CNBD1: variants seen among roughly 807,000 people sequenced by gnomAD.
CNBD1 encodes cyclic nucleotide binding domain containing 1, also known as cyclic nucleotide-binding domain-containing protein 1.
Under a neutral mutation model 54.4 loss-of-function variants are expected in CNBD1, and 71 were observed. The observed-to-expected ratio is 1.30, with a 90% CI of 1.08 to 1.59. CNBD1 has a LOEUF of 1.59. CNBD1 is among the 40% of genes most tolerant of loss of function. The pLI is 0.00. For missense variants in CNBD1, 659 were observed against 518.0 expected, an observed-to-expected ratio of 1.27 and a Z score of -2.64; for synonymous variants, 182 against 170.7, an observed-to-expected ratio of 1.07 and a Z score of -0.51.
chr8:87,072,802 G>A (rs143526984), intron 4 of CNBD1, among the ~76,000 whole-genome samples: 135 of 151,476 alleles, frequency 8.9e-4, no homozygotes, highest in African/African-American at 3.0e-3. Context: ...TGATTTTCTC[G>A]TGTAGGATCT....
At chr8:87,359,998 G>T (rs1270093268) in intron 10 of CNBD1, among the ~76,000 whole-genome samples, 2 of 151,864 alleles carry the variant, frequency 1.3e-5, no homozygotes, top group East Asian at 1.9e-4. Context: ...GAACTATAAA[G>T]GTATTACTGA....
intron 4 of CNBD1, among the ~76,000 whole-genome samples, chr8:86,992,273 T>C (rs910275059): frequency 1.2e-4 from 19 of 152,150 alleles, no homozygotes; most frequent in African/African-American, 4.6e-4. Context: ...ATGCCCTTTT[T>C]TGTTCTTTTT....
chr8:87,380,574 T>C (rs903070738), intron 10 of CNBD1, among the ~76,000 whole-genome samples: 8 of 152,168 alleles, frequency 5.3e-5, no homozygotes, highest in Admixed American at 5.2e-4. Flanking sequence ...AGGATTTTAA[T>C]AGAAGTTTTA....
intron 2 of CNBD1, among the ~76,000 whole-genome samples, chr8:87,392,859 A>T (rs894875258): frequency 6.6e-6 from 1 of 151,972 alleles, no homozygotes; most frequent in Non-Finnish European, 1.5e-5. Context: ...AGAGATGATG[A>T]TGTCTGGGAC....
chr8:87,353,850 A>C, intron 10 of CNBD1, 64 bp downstream of exon 10: 1 of 1,311,728 alleles, frequency 7.6e-7, no homozygotes, highest in Non-Finnish European at 1.0e-6. Flanking sequence ...AAATTTTTTA[A>C]ATTTTTTTCC....
In CNBD1 at chr8:87,275,673, T is replaced by C. The variant is rs368716310; in HGVS notation, c.772-9005T>C. ...TTTGAAAACTGGCACAAGACAGGGA[T>C]GCCCTCTCTCACCACTCCTATTCAA... On this transcript the variant is annotated intron_variant, in intron 6 of 10. Transcript: ENST00000518476. Among the ~76,000 whole-genome samples, 25 of 151,786 alleles carry C rather than the reference T, an allele frequency of 1.6e-4. No homozygotes were observed. In the South Asian group the frequency reaches 4.0e-3, roughly 24 times the overall value.
intron 5 of CNBD1, among the ~76,000 whole-genome samples, chr8:87,231,274 A>G (rs990072951): frequency 6.6e-6 from 1 of 152,196 alleles, no homozygotes; most frequent in African/African-American, 2.4e-5. Flanking sequence ...CACATGCTAA[A>G]TAACACACTG....
At chr8:87,424,076 A>T (rs897532676) in intron 2 of CNBD1, among the ~76,000 whole-genome samples, 16 of 152,150 alleles carry the variant, frequency 1.1e-4, no homozygotes, top group Admixed American at 1.0e-3. Context: ...AAGTGTTTGT[A>T]GTATTCTCTG....
At chr8:87,300,428 CTT>C (rs1397017498) in intron 8 of CNBD1, among the ~76,000 whole-genome samples, 1 of 151,976 alleles carries the variant, frequency 6.6e-6, no homozygotes, top group East Asian at 1.9e-4. Context: ...TATTGAAAAA[CTT>C]TAAAAAATCT....
At chr8:87,157,414 A>G (rs1812763600) in intron 4 of CNBD1, among the ~76,000 whole-genome samples, 1 of 152,188 alleles carries the variant, frequency 6.6e-6, no homozygotes, top group South Asian at 2.1e-4. Flanking sequence ...TGCAGGCCCA[A>G]AGTAATAAGG....
intron 4 of CNBD1, among the ~76,000 whole-genome samples, chr8:86,984,810 C>T (rs995964690): frequency 6.6e-6 from 1 of 152,178 alleles, no homozygotes; most frequent in East Asian, 1.9e-4. Context: ...TTTACAGGCT[C>T]ATAGGCAGAA....
chr8:87,189,640 C>T (rs183263794), intron 4 of CNBD1, among the ~76,000 whole-genome samples: 1 of 152,194 alleles, frequency 6.6e-6, no homozygotes, highest in East Asian at 1.9e-4. Flanking sequence ...TTGGCATTAA[C>T]CTTTCAATTT....
chr8:87,162,936 A>C (rs1232533570), intron 4 of CNBD1, among the ~76,000 whole-genome samples: 1 of 152,050 alleles, frequency 6.6e-6, no homozygotes, highest in Non-Finnish European at 1.5e-5. Context: ...CCCTTATAAA[A>C]AGACTTGATA....
At chr8:87,061,762 A>G (rs890394934) in intron 4 of CNBD1, among the ~76,000 whole-genome samples, 6 of 152,214 alleles carry the variant, frequency 3.9e-5, no homozygotes, top group Non-Finnish European at 7.4e-5. Flanking sequence ...TATACAATCA[A>G]TGTGTAAAGT....
chr8:87,382,453 G>C lies in CNBD1; in HGVS notation c.1304-167G>C, dbSNP rs143782892. On this transcript the variant is annotated intron_variant, in intron 10 of 10. Transcript: ENST00000518476. ...CAAATGTCATTAGAGGGGGTGTAAA[G>C]TGTTACATTATTTCTAGAATAAGCT... Among the ~76,000 whole-genome samples, 17 of 152,056 alleles carry C rather than the reference G, an allele frequency of 1.1e-4. No homozygotes were observed. The South Asian group carries it at 3.3e-3, about 30-fold the overall frequency.
intron 4 of CNBD1, among the ~76,000 whole-genome samples, chr8:87,202,631 G>C (rs1458557471): frequency 3.9e-5 from 6 of 152,174 alleles, no homozygotes; most frequent in Non-Finnish European, 8.8e-5. Context: ...CTGTCTGACT[G>C]TTGAGGGAGC....
chr8:86,992,008 G>A (rs1010211504), intron 4 of CNBD1, among the ~76,000 whole-genome samples: 8 of 152,106 alleles, frequency 5.3e-5, no homozygotes, highest in African/African-American at 1.9e-4. Context: ...GAATTATTCT[G>A]TAGATATCCA....
At chr8:87,080,688 C>T (rs2130664720) in intron 4 of CNBD1, among the ~76,000 whole-genome samples, 1 of 151,832 alleles carries the variant, frequency 6.6e-6, no homozygotes, top group Admixed American at 6.6e-5. Flanking sequence ...TGAACTTGTT[C>T]TGTAGTCTTC....
At chr8:86,998,000 T>C (rs1331396904) in intron 4 of CNBD1, among the ~76,000 whole-genome samples, 4 of 152,130 alleles carry the variant, frequency 2.6e-5, no homozygotes, top group Non-Finnish European at 5.9e-5. Flanking sequence ...TACTCGGGAT[T>C]CCTTTCTTAC....
Sources: allele counts gnomAD v4.1 joint callset (sites outside exome capture counted in the v4.1 genomes callset), GRCh38; gene constraint gnomAD v4.1.1; transcripts MANE v1.5; gene names NCBI Gene and HGNC (gene_info 2026-07-23, HGNC 2026-07-21).